Variants in PLEKHG5 observed in about 807,000 individuals in gnomAD.
PLEKHG5 encodes the protein pleckstrin homology and RhoGEF domain containing G5, also known as pleckstrin homology domain-containing family G member 5.
A neutral mutation model predicts 103.8 loss-of-function variants in PLEKHG5; 52 were observed. That is an observed-to-expected ratio of 0.50 (90% CI 0.40 to 0.63). PLEKHG5 has a LOEUF of 0.63. Among genes scored for constraint, PLEKHG5 ranks in the 30% least tolerant of loss-of-function variants. PLEKHG5 has a pLI of 0.00. For missense variants in PLEKHG5, 1,205 were observed against 1,347.6 expected, an observed-to-expected ratio of 0.89 and a Z score of 1.66; for synonymous variants, 592 against 575.5, an observed-to-expected ratio of 1.03 and a Z score of -0.41.
chr1:6,504,808 A>T (rs1273781079), intron 1 of PLEKHG5, among the ~76,000 whole-genome samples: 1 of 151,960 alleles, frequency 6.6e-6, no homozygotes, highest in African/African-American at 2.4e-5. Context: ...TGACCTCGTG[A>T]TCCGCCTGCC....
chr1:6,514,030 G>A (rs901561770), intron 1 of PLEKHG5, among the ~76,000 whole-genome samples: 15 of 152,194 alleles, frequency 9.9e-5, no homozygotes, highest in Admixed American at 9.8e-4. Context: ...ATCTCGAGAA[G>A]CATAAAGCAG....
chr1:6,483,305 G>A (rs991114465), intron 1 of PLEKHG5, among the ~76,000 whole-genome samples: 2 of 152,188 alleles, frequency 1.3e-5, no homozygotes, highest in African/African-American at 2.4e-5. Flanking sequence ...GATTCCTGAA[G>A]GCAGCCTTGA....
intron 1 of PLEKHG5, among the ~76,000 whole-genome samples, chr1:6,482,178 A>G (rs868372541): frequency 4.0e-5 from 6 of 151,602 alleles, no homozygotes; most frequent in Middle Eastern, 6.8e-3. Context: ...CATCCTCCTC[A>G]TTCGCCCTCC....
upstream of PLEKHG5, chr1:6,491,800 C>T (rs780449823): frequency 3.2e-5 from 14 of 436,982 alleles, no homozygotes; most frequent in Middle Eastern, 1.2e-3. The surrounding 1 kb of genome is among the most constrained non-coding windows in gnomAD (Gnocchi z 4.1). Flanking sequence ...CCCATCCAAC[C>T]TCCACTCCAC....
chr1:6,478,358 G>A (rs556041344), intron 1 of PLEKHG5, among the ~76,000 whole-genome samples: 8 of 152,108 alleles, frequency 5.3e-5, no homozygotes, highest in South Asian at 2.1e-4. Context: ...TTGTAGAGAC[G>A]GGGTTTCACC....
upstream of PLEKHG5, among the ~76,000 whole-genome samples, chr1:6,499,262 C>T (rs1376674487): frequency 2.0e-5 from 3 of 152,230 alleles, no homozygotes; most frequent in Non-Finnish European, 2.9e-5. Context: ...TAGATCCCCC[C>T]ATGACTGCTC....
At chr1:6,489,559 C>T (rs930025831) in intron 1 of PLEKHG5, among the ~76,000 whole-genome samples, 11 of 152,222 alleles carry the variant, frequency 7.2e-5, no homozygotes, top group African/African-American at 2.7e-4. Flanking sequence ...TGTGAACATC[C>T]CCTCCTGCCC....
intron 14 of PLEKHG5, 30 bp downstream of exon 14, chr1:6,470,705 G>A (rs1644543941): frequency 1.3e-6 from 2 of 1,552,206 alleles, no homozygotes; most frequent in African/African-American, 1.4e-5. Flanking sequence ...CCGCGCAGGG[G>A]GGACGGCTCC....
rs1415290237 is a variant in PLEKHG5, at chr1:6,505,982, C to T, written c.-164-9413G>A. ...GGCCCTGGCTGGGCAGGCCCGGTGCCAGAGCCTGCTGAAAGTCCTCCCGGG... is the reference window on the plus strand; with the variant it reads ...GGCCCTGGCTGGGCAGGCCCGGTGCTAGAGCCTGCTGAAAGTCCTCCCGGG... On this transcript the variant is annotated intron_variant, in intron 1 of 21. Transcript: ENST00000377740. The surrounding 1 kb of genome is among the most constrained non-coding windows in gnomAD (Gnocchi z 4.2). 2 of 152,604 alleles carry T rather than the reference C, an allele frequency of 1.3e-5. No homozygotes were observed. Among genetic ancestry groups the T allele is most frequent in the Admixed American group, 6.5e-5 (1 of 15,294 alleles). The allele number at this position is 152,604 out of a possible 1,614,324, so 9.5% of individuals were successfully genotyped here.
chr1:6,475,114 G>T lies in PLEKHG5; in HGVS notation c.235C>A (p.Leu79Met). The change falls in exon 5 of 21, where the codon CTG becomes ATG. Residue 79 changes from leucine (L) to methionine (M), a missense_variant. Transcript: ENST00000377728. ...ATGTCCACATTCAGGTCAAATTTCA[G>T]AGTGAAGCATTCCTTGCTTGGGTCC... ...TDDPSKECFTLKFDLNVDIET... is the reference protein window; with the variant it reads ...TDDPSKECFTMKFDLNVDIET... 1 of 1,610,100 alleles carries T rather than the reference G, an allele frequency of 6.2e-7. No homozygotes were observed. The highest frequency in any genetic ancestry group is 8.5e-7 in the Non-Finnish European group (1 of 1,176,398).
chr1:6,474,333 T>C (rs1286909947), intron 6 of PLEKHG5, 118 bp downstream of exon 6: 4 of 1,284,550 alleles, frequency 3.1e-6, no homozygotes, highest in Non-Finnish European at 4.3e-6. Flanking sequence ...GAGACACCTG[T>C]ATGGTAATGA....
Position 6,467,163 on chromosome 1 carries a change from T to C in PLEKHG5, c.*400A>G. On this transcript the variant is annotated 3_prime_UTR_variant, in exon 21 of 21. Transcript: ENST00000377728. ...CTTTATAAAAGAACCAAAAGCTCAA[T>C]AAATACGTAACTTCACAGAACCCAG... 1 of 373,516 alleles carries C rather than the reference T, an allele frequency of 2.7e-6. No homozygotes were observed. The highest frequency in any genetic ancestry group is 2.5e-5 in the South Asian group (1 of 40,058). The allele number at this position is 373,516 out of a possible 1,614,324, so 23.1% of individuals were successfully genotyped here.
Position 6,490,455 on chromosome 1 carries a change from G to C in PLEKHG5, c.-88+1182C>G. 1.0e-6 allele frequency: 1 copy of C among 982,062 alleles called. No individual in the cohort carries two copies. The highest frequency in any genetic ancestry group is 1.2e-6 in the Non-Finnish European group (1 of 829,822). 60.8% of individuals were successfully genotyped at this position (982,062 alleles called of 1,614,324 possible). ...TTCCCCGCGACTCACCTAGGAACAG[G>C]ACCAGGGTCTCCTCCCCGGTGTCTA... On this transcript the variant is annotated intron_variant, in intron 1 of 20. Transcript: ENST00000377728. This position sits in a 1 kb window ranked among gnomAD's most constrained non-coding sequence, Gnocchi z 8.0.
At chr1:6,474,359 C>A (rs1023306484) in intron 6 of PLEKHG5, 92 bp downstream of exon 6, 7 of 1,513,464 alleles carry the variant, frequency 4.6e-6, no homozygotes, top group Non-Finnish European at 6.4e-6. Flanking sequence ...CTCAGGCCCA[C>A]GACCAATGGG....
In PLEKHG5 at chr1:6,474,106, G is replaced by A. The variant is rs1360486982; in HGVS notation, c.498C>T (p.Ser166=). Residue 166 remains serine, a synonymous_variant, in exon 7 of 21, where the codon TCC becomes TCT. Coordinates refer to ENST00000377728, the MANE Select transcript of PLEKHG5 (RefSeq NM_020631.6). ...CTGGCCGCAGAATCGGCAAACTCAG[G>A]GACTTGGAGTCCTTCATGCCCTGCT... ...KVEQGMKDSK[S]LSLPILRPAG... 6 of 1,613,378 alleles carry A rather than the reference G, an allele frequency of 3.7e-6. No homozygotes were observed. Among genetic ancestry groups the A allele is most frequent in the Admixed American group, 3.3e-5 (2 of 59,986 alleles).
At chr1:6,496,825 C>T, upstream of PLEKHG5, 1 of 581,216 alleles carries the variant, frequency 1.7e-6, no homozygotes, top group South Asian at 2.5e-5. Context: ...CTGCTCTCTC[C>T]CTCTGTCCCT....
Position 6,502,109 on chromosome 1 carries a change from C to G in PLEKHG5, c.-164-5540G>C, listed in dbSNP as rs1040233994. On this transcript the variant is annotated intron_variant, in intron 1 of 21. Transcript: ENST00000377740. ...TGCAGGCCATGCTGGGGCTGGACCTCTTAGCCGCAGCAGCCTGGGGAAGGG... is the reference window on the plus strand; with the variant it reads ...TGCAGGCCATGCTGGGGCTGGACCTGTTAGCCGCAGCAGCCTGGGGAAGGG... Among the ~76,000 whole-genome samples the G allele has an allele frequency of 2.0e-5, 3 of 152,270 alleles. No individual in the cohort carries two copies. The South Asian group carries it at 6.2e-4, about 31-fold the overall frequency.
intron 18 of PLEKHG5, 26 bp downstream of exon 18, chr1:6,469,309 C>T: frequency 2.5e-6 from 4 of 1,613,112 alleles, no homozygotes; most frequent in Non-Finnish European, 3.4e-6. Flanking sequence ...TCTGCCTTGC[C>T]CACCCACTCA....
At chr1:6,478,472 T>C (rs1186606098) in intron 1 of PLEKHG5, among the ~76,000 whole-genome samples, 1 of 152,146 alleles carries the variant, frequency 6.6e-6, no homozygotes, top group Non-Finnish European at 1.5e-5. Context: ...CCCAGCCTTA[T>C]TTCTCCATTT....
Sources: allele counts gnomAD v4.1 joint callset (sites outside exome capture counted in the v4.1 genomes callset), GRCh38; gene constraint gnomAD v4.1.1; non-coding constraint Gnocchi (gnomAD v3.1); transcripts MANE v1.5; gene names NCBI Gene and HGNC (gene_info 2026-07-23, HGNC 2026-07-21).